The following GALNT14 variants were observed in gnomAD, a reference collection of about 807,000 sequenced individuals.
GALNT14 encodes the protein polypeptide N-acetylgalactosaminyltransferase 14.
Under a neutral mutation model 77.5 loss-of-function variants are expected in GALNT14, and 60 were observed. The ratio of observed to expected loss-of-function variants is 0.77; its 90% confidence interval spans 0.63 to 0.96. GALNT14 has a LOEUF of 0.96. Ranked by LOEUF, GALNT14 falls within the 40% of genes least tolerant of loss-of-function variation. The pLI is 0.00. For synonymous variants in GALNT14, 280 were observed against 281.7 expected (o/e 0.99, Z 0.06); for missense variants, 710 against 731.0 (o/e 0.97, Z 0.33).
intron 1 of GALNT14, among the ~76,000 whole-genome samples, chr2:31,120,270 C>G (rs994299649): frequency 6.6e-6 from 1 of 152,080 alleles, no homozygotes; most frequent in African/African-American, 2.4e-5. Context: ...ATCTCTCACT[C>G]TCCTTTTTAA....
intron 1 of GALNT14, among the ~76,000 whole-genome samples, chr2:31,100,660 T>A (rs1677224456): frequency 6.6e-6 from 1 of 151,472 alleles, no homozygotes. Flanking sequence ...TCAATAAGCA[T>A]AATGCTGGCT....
the GALNT14 span, among the ~76,000 whole-genome samples, chr2:30,894,288 T>C: frequency 6.6e-6 from 1 of 152,224 alleles, no homozygotes; most frequent in Admixed American, 6.5e-5. Flanking sequence ...AGGTGTCCAC[T>C]AATTATTGAT....
At chr2:30,996,587 G>A (rs1393263558) in intron 1 of GALNT14, among the ~76,000 whole-genome samples, 1 of 152,256 alleles carries the variant, frequency 6.6e-6, no homozygotes, top group Non-Finnish European at 1.5e-5. Flanking sequence ...ACCAGATAGA[G>A]GCATGGGCCC....
chr2:31,118,834 T>C (rs1241186350), intron 1 of GALNT14, among the ~76,000 whole-genome samples: 1 of 152,158 alleles, frequency 6.6e-6, no homozygotes, highest in Non-Finnish European at 1.5e-5. Flanking sequence ...CTGGATTTAA[T>C]AAGAAAATTC....
intron 1 of GALNT14, among the ~76,000 whole-genome samples, chr2:31,079,425 C>T (rs1676018881): frequency 6.6e-6 from 1 of 152,180 alleles, no homozygotes; most frequent in Admixed American, 6.5e-5. Context: ...AAGAGCTGAG[C>T]CCTCGGACTG....
chr2:30,980,863 C>A (rs1331954181), intron 2 of GALNT14, among the ~76,000 whole-genome samples: 1 of 152,218 alleles, frequency 6.6e-6, no homozygotes, highest in Non-Finnish European at 1.5e-5. Context: ...AGGTGGATCA[C>A]CTGAGGTCAG....
chr2:31,116,279 T>C (rs1451340335), intron 1 of GALNT14, among the ~76,000 whole-genome samples: 7 of 152,062 alleles, frequency 4.6e-5, no homozygotes, highest in African/African-American at 1.7e-4. Context: ...AAATAGTATA[T>C]ATTCAATTAT....
At chr2:31,043,952 CCCTG>C (rs1673260531) in intron 1 of GALNT14, among the ~76,000 whole-genome samples, 1 of 13,820 alleles carries the variant, frequency 7.2e-5, no homozygotes, top group Admixed American at 1.2e-3. Flanking sequence ...ACAGCGTGCT[CCCTG>C]CATCCCAGGG....
At chr2:31,116,043 G>A (rs1449994061) in intron 1 of GALNT14, among the ~76,000 whole-genome samples, 1 of 152,076 alleles carries the variant, frequency 6.6e-6, no homozygotes, top group Non-Finnish European at 1.5e-5. Context: ...TTATTAGGAT[G>A]ATAATGAATG....
intron 1 of GALNT14, among the ~76,000 whole-genome samples, chr2:31,005,795 G>A: frequency 6.6e-6 from 1 of 152,222 alleles, no homozygotes; most frequent in African/African-American, 2.4e-5. Flanking sequence ...TCTCACACGA[G>A]TTTGAGCACA....
intron 3 of GALNT14, among the ~76,000 whole-genome samples, chr2:30,959,728 T>C (rs1667573673): frequency 6.6e-6 from 1 of 152,228 alleles, no homozygotes; most frequent in African/African-American, 2.4e-5. Flanking sequence ...TGAATCTAAC[T>C]GACTCACTTA....
intron 9 of GALNT14, among the ~76,000 whole-genome samples, chr2:30,937,955 A>G (rs1226850104): frequency 6.6e-6 from 1 of 152,178 alleles, no homozygotes; most frequent in Non-Finnish European, 1.5e-5. Context: ...ACTCAGGCCT[A>G]TGAATGCTTA....
At chr2:31,047,366 C>T (rs922823120) in intron 1 of GALNT14, among the ~76,000 whole-genome samples, 4 of 152,150 alleles carry the variant, frequency 2.6e-5, no homozygotes, top group Non-Finnish European at 4.4e-5. Context: ...CTGGGAGAAT[C>T]CTAATTCATC....
chr2:31,013,968 A>G (rs1480548139), intron 1 of GALNT14, among the ~76,000 whole-genome samples: 2 of 152,216 alleles, frequency 1.3e-5, no homozygotes, highest in African/African-American at 4.8e-5. Context: ...TCCCTGTAAG[A>G]TTTCATGAAA....
intron 2 of GALNT14, among the ~76,000 whole-genome samples, chr2:30,976,606 C>A (rs964076252): frequency 6.9e-6 from 1 of 144,156 alleles, no homozygotes; most frequent in Non-Finnish European, 1.5e-5. Flanking sequence ...TGTGCATGTG[C>A]GTGTGCGTGT....
At chr2:31,079,953 T>C (rs1674624573) in intron 1 of GALNT14, among the ~76,000 whole-genome samples, 1 of 152,206 alleles carries the variant, frequency 6.6e-6, no homozygotes, top group East Asian at 1.9e-4. Context: ...CCAGCAGTCC[T>C]GCATTTAGCC....
chr2:31,126,387 C>A (rs1314570494), intron 1 of GALNT14, among the ~76,000 whole-genome samples: 1 of 152,102 alleles, frequency 6.6e-6, no homozygotes, highest in East Asian at 1.9e-4. Context: ...GGCAGACAGA[C>A]CTGGTTTGGA....
chr2:30,945,993 C>T, intron 6 of GALNT14, 123 bp from the exon 7 acceptor site: 1 of 716,554 alleles, frequency 1.4e-6, no homozygotes, highest in Non-Finnish European at 2.4e-6. Flanking sequence ...AGAGCCCTTT[C>T]ATCTCTGGAT....
rs1348581737 is a variant in GALNT14 at position 30,992,859 on chromosome 2, A to T, written c.278T>A (p.Ile93Asn). The T allele has an allele frequency of 6.2e-7, 1 of 1,613,982 alleles. No homozygotes were observed. Among genetic ancestry groups the T allele is most frequent in the African/African-American group, 1.3e-5 (1 of 74,940 alleles). Residue 93 changes from isoleucine (I) to asparagine (N), a missense_variant, in exon 2 of 15, where the codon ATC becomes AAC. Transcript: ENST00000349752. ...GTACCTCAGATGGCGAGTGTCCGGGATGGCCCGATTGCTGGAGATCCGCTC... is the reference window on the plus strand; with the variant it reads ...GTACCTCAGATGGCGAGTGTCCGGGTTGGCCCGATTGCTGGAGATCCGCTC... ...ESERISSNRA[I>N]PDTRHLRCTL...
Sources: allele counts gnomAD v4.1 joint callset (sites outside exome capture counted in the v4.1 genomes callset), GRCh38; gene constraint gnomAD v4.1.1; transcripts MANE v1.5; gene names NCBI Gene and HGNC (gene_info 2026-07-23, HGNC 2026-07-21).